Variants in AVEN observed in about 807,000 individuals in gnomAD.
AVEN encodes the protein apoptosis and caspase activation inhibitor.
Under a neutral mutation model 38.1 loss-of-function variants are expected in AVEN, and 41 were observed. The observed-to-expected ratio is 1.08, with a 90% CI of 0.84 to 1.40. AVEN has a LOEUF of 1.40. Among genes scored for constraint, AVEN ranks in the 40% most tolerant of loss-of-function variants. AVEN has a pLI of 0.00. For missense variants in AVEN, 605 were observed against 438.8 expected, an observed-to-expected ratio of 1.38 and a Z score of -3.38; for synonymous variants, 206 against 171.8, an observed-to-expected ratio of 1.20 and a Z score of -1.56.
At chr15:34,008,983 C>G (rs627590) in intron 1 of AVEN, among the ~76,000 whole-genome samples, 142,712 of 151,874 alleles carry the variant, frequency 0.94, 67,675 homozygotes, top group East Asian at 1. Flanking sequence ...CACAGACCAT[C>G]GAGAAAACAC....
the AVEN span, chr15:33,853,117 T>G: frequency 6.5e-7 from 1 of 1,543,940 alleles, no homozygotes; most frequent in Non-Finnish European, 8.7e-7. Context: ...GTGAGTTCCG[T>G]GATCACCAAA....
rs750056432 is a variant in AVEN at position 33,867,668 on chromosome 15, T to C, written c.800A>G (p.Asp267Gly). 49 of 1,614,134 alleles carry C rather than the reference T, an allele frequency of 3.0e-5. No homozygotes were observed. The South Asian group carries it at 5.2e-4, about 17-fold the overall frequency. Reference protein sequence around the residue: ...KDNPSPGPSRDSQKPTSPLQS... With the variant: ...KDNPSPGPSRGSQKPTSPLQS... ...CAGTGGGGAAGTGGGTTTCTGAGAA[T>C]CCCTTGAAGGACCCGGGCTTGGGTT... The change falls in exon 5 of 6, where the codon GAT becomes GGT. Residue 267 changes from aspartate (D) to glycine (G), a missense_variant. Physicochemically the swap from Asp to Gly is moderately conservative, Grantham distance 94. Coordinates refer to ENST00000306730, the MANE Select transcript of AVEN (RefSeq NM_020371.3).
intron 2 of AVEN, among the ~76,000 whole-genome samples, chr15:33,892,645 A>C (rs568729689): frequency 6.6e-6 from 1 of 152,318 alleles, no homozygotes; most frequent in Non-Finnish European, 1.5e-5. Context: ...GTTTGAAGTC[A>C]GGTAGCGTGA....
intron 1 of AVEN, among the ~76,000 whole-genome samples, chr15:34,023,456 G>A (rs1898301094): frequency 6.6e-6 from 1 of 152,158 alleles, no homozygotes; most frequent in South Asian, 2.1e-4. Flanking sequence ...ATACACACCA[G>A]AGCTCAGGCG....
At chr15:33,945,391 G>A (rs1440364376) in intron 2 of AVEN, among the ~76,000 whole-genome samples, 1 of 152,000 alleles carries the variant, frequency 6.6e-6, no homozygotes, top group Non-Finnish European at 1.5e-5. Context: ...CCTCCTACCT[G>A]GTATGCCTTC....
intron 1 of AVEN, among the ~76,000 whole-genome samples, chr15:34,010,152 G>A (rs930040957): frequency 2.0e-5 from 3 of 152,042 alleles, no homozygotes; most frequent in African/African-American, 7.2e-5. Context: ...GGAACCATAT[G>A]CTTAACAGAA....
At chr15:34,013,628 G>C (rs1897733060) in intron 1 of AVEN, among the ~76,000 whole-genome samples, 1 of 152,198 alleles carries the variant, frequency 6.6e-6, no homozygotes, top group Non-Finnish European at 1.5e-5. Flanking sequence ...CAGGCCTCAA[G>C]AACTCACAGT....
At chr15:34,049,011 C>T (rs1299785255) in intron 5 of AVEN, among the ~76,000 whole-genome samples, 1 of 152,138 alleles carries the variant, frequency 6.6e-6, no homozygotes, top group African/African-American at 2.4e-5. Context: ...CAGAAAACAA[C>T]AACATCAACA....
At chr15:33,877,862 T>C (rs1242440895) in intron 2 of AVEN, among the ~76,000 whole-genome samples, 1 of 152,138 alleles carries the variant, frequency 6.6e-6, no homozygotes, top group Non-Finnish European at 1.5e-5. Flanking sequence ...GGCAGGAGAA[T>C]TGCTTAAACC....
At chr15:34,068,354 C>T (rs1023048199) in intron 2 of AVEN, among the ~76,000 whole-genome samples, 6 of 151,712 alleles carry the variant, frequency 4.0e-5, no homozygotes, top group East Asian at 3.9e-4. Context: ...TACAGACGCA[C>T]GCCACCACGC....
chr15:33,874,152 G>A (rs1891125347), intron 3 of AVEN, among the ~76,000 whole-genome samples: 1 of 151,702 alleles, frequency 6.6e-6, no homozygotes, highest in Non-Finnish European at 1.5e-5. Flanking sequence ...CATTTTGAGT[G>A]TTTCATATGC....
chr15:33,915,880 G>A (rs964412436), intron 2 of AVEN, among the ~76,000 whole-genome samples: 14 of 152,176 alleles, frequency 9.2e-5, no homozygotes, highest in African/African-American at 1.9e-4. Flanking sequence ...TTTGGGCAGC[G>A]TGGGAGCTGG....
intron 3 of AVEN, among the ~76,000 whole-genome samples, chr15:33,875,288 CA>C (rs1345923932): frequency 5.3e-5 from 8 of 152,154 alleles, no homozygotes; most frequent in African/African-American, 1.9e-4. Context: ...TATCACAAGT[CA>C]CCACTATGTC....
intron 2 of AVEN, among the ~76,000 whole-genome samples, chr15:33,966,718 G>GCAC (rs1277113828): frequency 9.9e-5 from 15 of 152,120 alleles, no homozygotes; most frequent in Admixed American, 9.8e-4. Flanking sequence ...ACAGGTGAGG[G>GCAC]TGTGGCACAC....
intron 1 of AVEN, among the ~76,000 whole-genome samples, chr15:34,028,340 G>A (rs896664925): frequency 1.3e-5 from 2 of 152,158 alleles, no homozygotes; most frequent in South Asian, 4.1e-4. Flanking sequence ...CAAGGCAGGT[G>A]GTTCACTTGA....
rs907959008 is a variant in AVEN, at chr15:33,859,432, C to G, written n.2730-338G>C. On this transcript the variant is annotated intron_variant and non_coding_transcript_variant, in intron 11 of 11. Coordinates refer to the AVEN transcript ENST00000675287. ...GGGTGCAGTGGACAGCAGCTAGCAG[C>G]ATGAATACTGGCACCTCTGAAGAGT... is the stretch of plus-strand genomic sequence containing the variant. 12 of 763,554 alleles carry G rather than the reference C, an allele frequency of 1.6e-5. No individual in the cohort carries two copies. The East Asian group carries it at 3.1e-4, about 20-fold the overall frequency. The allele number at this position is 763,554 out of a possible 1,614,324, so 47.3% of individuals were successfully genotyped here. A position where few individuals can be genotyped will look rare whatever the true frequency, so the allele number is the denominator to read the frequency against.
At chr15:33,890,177 T>C (rs1417828108) in intron 2 of AVEN, among the ~76,000 whole-genome samples, 1 of 152,198 alleles carries the variant, frequency 6.6e-6, no homozygotes, top group African/African-American at 2.4e-5. Flanking sequence ...ATATGTTCAG[T>C]AGTCTGAGGT....
intron 2 of AVEN, among the ~76,000 whole-genome samples, chr15:33,949,148 C>T (rs1034578578): frequency 3.9e-5 from 6 of 152,142 alleles, no homozygotes; most frequent in East Asian, 3.8e-4. Flanking sequence ...CTCAGCCTCC[C>T]GAGTAGCTGG....
At chr15:33,916,089 G>A (rs1597226843) in intron 2 of AVEN, among the ~76,000 whole-genome samples, 1 of 152,010 alleles carries the variant, frequency 6.6e-6, no homozygotes, top group Non-Finnish European at 1.5e-5. Flanking sequence ...TTCTCTACCT[G>A]CCCTCGTAGC....
Sources: allele counts gnomAD v4.1 joint callset (sites outside exome capture counted in the v4.1 genomes callset), GRCh38; gene constraint gnomAD v4.1.1; transcripts MANE v1.5; gene names NCBI Gene and HGNC (gene_info 2026-07-23, HGNC 2026-07-21).